Variants in RAB38 observed in about 807,000 individuals in gnomAD.
RAB38 encodes the protein RAB38, member RAS oncogene family.
A neutral mutation model predicts 18.4 loss-of-function variants in RAB38; 15 were observed. The ratio of observed to expected loss-of-function variants is 0.82; its 90% confidence interval spans 0.55 to 1.26. The LOEUF (loss-of-function observed/expected upper bound fraction) is 1.26. RAB38 is among the 50% of genes most tolerant of loss of function. The pLI is 0.00. For missense variants in RAB38, 294 were observed against 267.4 expected, an observed-to-expected ratio of 1.10 and a Z score of -0.69; for synonymous variants, 101 against 104.4, an observed-to-expected ratio of 0.97 and a Z score of 0.20.
chr11:88,053,096 AT>A, the RAB38 span, among the ~76,000 whole-genome samples: 1 of 40,116 alleles, frequency 2.5e-5, no homozygotes, highest in African/African-American at 6.3e-5. Context: ...AATATATATT[AT>A]ATATATACAC....
chr11:87,835,892 A>G, the RAB38 span, among the ~76,000 whole-genome samples: 1 of 152,236 alleles, frequency 6.6e-6, no homozygotes, highest in African/African-American at 2.4e-5. Context: ...GGAGATTCAC[A>G]TAGTAATCCC....
the RAB38 span, among the ~76,000 whole-genome samples, chr11:88,083,214 C>A: frequency 6.6e-6 from 1 of 151,786 alleles, no homozygotes; most frequent in Non-Finnish European, 1.5e-5. Flanking sequence ...CACCCCTCAT[C>A]CTAAGCTCTC....
chr11:87,956,760 T>C, the RAB38 span, among the ~76,000 whole-genome samples: 21 of 152,122 alleles, frequency 1.4e-4, no homozygotes, highest in Non-Finnish European at 2.8e-4. Context: ...TAACTGAAAG[T>C]AAGTCATAAG....
chr11:88,069,510 T>A, the RAB38 span, among the ~76,000 whole-genome samples: 1 of 152,224 alleles, frequency 6.6e-6, no homozygotes, highest in African/African-American at 2.4e-5. Context: ...GCTGGGCTCC[T>A]GAGTGGGGTG....
the RAB38 span, among the ~76,000 whole-genome samples, chr11:87,878,895 A>G: frequency 6.6e-6 from 1 of 150,376 alleles, no homozygotes; most frequent in Non-Finnish European, 1.5e-5. Context: ...TGTTATTTCC[A>G]TGTTATCACA....
At chr11:88,043,551 C>T in the RAB38 span, among the ~76,000 whole-genome samples, 1 of 152,080 alleles carries the variant, frequency 6.6e-6, no homozygotes, top group Non-Finnish European at 1.5e-5. Context: ...TTGTGAAATT[C>T]CTTTGCCTGG....
At chr11:88,128,191 C>T (rs2134790517) in intron 2 of RAB38, among the ~76,000 whole-genome samples, 1 of 152,276 alleles carries the variant, frequency 6.6e-6, no homozygotes, top group African/African-American at 2.4e-5. Flanking sequence ...TCACTATGAG[C>T]AGATTAAGTC....
chr11:87,846,072 C>T, the RAB38 span, among the ~76,000 whole-genome samples: 3 of 151,826 alleles, frequency 2.0e-5, no homozygotes, highest in African/African-American at 7.3e-5. Context: ...TATATTGTAA[C>T]CCCTAAAGAA....
intron 1 of RAB38, among the ~76,000 whole-genome samples, chr11:88,154,720 A>G (rs187677368): frequency 9.8e-5 from 15 of 152,306 alleles, no homozygotes; most frequent in African/African-American, 3.4e-4. Context: ...TCTGACCTGC[A>G]CCAGTCTTCC....
chr11:88,063,319 T>G, the RAB38 span, among the ~76,000 whole-genome samples: 1 of 152,162 alleles, frequency 6.6e-6, no homozygotes. Context: ...AAACATTGTT[T>G]AAGCTTTGAA....
At chr11:87,887,524 CTAG>C in the RAB38 span, among the ~76,000 whole-genome samples, 3 of 151,952 alleles carry the variant, frequency 2.0e-5, no homozygotes, top group Non-Finnish European at 4.4e-5. Context: ...CCCTCTCTTT[CTAG>C]TAGTATGAAT....
the RAB38 span, among the ~76,000 whole-genome samples, chr11:87,931,772 C>T: frequency 2.3e-4 from 35 of 152,104 alleles, no homozygotes; most frequent in South Asian, 7.1e-3. Context: ...GCTGGTACAC[C>T]AAATGCCTCT....
chr11:88,035,785 G>C, the RAB38 span, among the ~76,000 whole-genome samples: 4 of 152,228 alleles, frequency 2.6e-5, no homozygotes, highest in East Asian at 5.8e-4. Context: ...TTCTCCTCCT[G>C]CTTTATGCAC....
At chr11:87,852,949 C>T in the RAB38 span, among the ~76,000 whole-genome samples, 2 of 139,540 alleles carry the variant, frequency 1.4e-5, no homozygotes, top group African/African-American at 2.9e-5. Flanking sequence ...TAACATCTAT[C>T]TTGCATATGA....
At chr11:87,885,784 C>A in the RAB38 span, among the ~76,000 whole-genome samples, 4 of 151,930 alleles carry the variant, frequency 2.6e-5, no homozygotes, top group Non-Finnish European at 5.9e-5. Flanking sequence ...GTGGCCTTGG[C>A]CTCTAGCATG....
intron 2 of RAB38, among the ~76,000 whole-genome samples, chr11:88,129,975 T>C (rs1378969254): frequency 1.3e-5 from 2 of 151,888 alleles, no homozygotes; most frequent in Non-Finnish European, 2.9e-5. Context: ...AAGGATAGTG[T>C]AGGAAGTTCT....
chr11:87,812,876 G>T, the RAB38 span, among the ~76,000 whole-genome samples: 1 of 152,086 alleles, frequency 6.6e-6, no homozygotes, highest in African/African-American at 2.4e-5. Flanking sequence ...TTCTAAATTG[G>T]CCTGTTGAAG....
chr11:88,136,387 C>T (rs1942834925), intron 2 of RAB38, among the ~76,000 whole-genome samples: 1 of 152,156 alleles, frequency 6.6e-6, no homozygotes, highest in African/African-American at 2.4e-5. Flanking sequence ...CAAGACACAT[C>T]AGAGAAGGCA....
chr11:88,050,722 G>T, the RAB38 span, among the ~76,000 whole-genome samples: 1 of 152,098 alleles, frequency 6.6e-6, no homozygotes, highest in Non-Finnish European at 1.5e-5. Context: ...TCTGATTCTT[G>T]TTCCAGTTAA....
Sources: gnomAD v4.1 joint callset for allele counts (sites outside exome capture counted in the v4.1 genomes callset) on GRCh38, gnomAD v4.1.1 for gene constraint, MANE v1.5 for transcripts, NCBI Gene and HGNC (gene_info 2026-07-23, HGNC 2026-07-21) for gene names.